The following RNF144A variants were observed in gnomAD, a reference collection of about 807,000 sequenced individuals.
RNF144A encodes E3 ubiquitin-protein ligase RNF144A.
A neutral mutation model predicts 38.7 loss-of-function variants in RNF144A; 11 were observed. That is an observed-to-expected ratio of 0.28 (90% confidence interval 0.18 to 0.47). The LOEUF (loss-of-function observed/expected upper bound fraction) is 0.47, where lower values mean the gene tolerates loss of function less well. RNF144A is among the 20% of genes least tolerant of loss of function. The pLI is 0.99. For synonymous variants in RNF144A, 149 were observed against 143.9 expected (o/e 1.04, Z -0.25); for missense variants, 316 against 377.2 (o/e 0.84, Z 1.34).
At chr2:6,920,840 G>C (rs1009564511) in intron 1 of RNF144A, among the ~76,000 whole-genome samples, 4 of 152,194 alleles carry the variant, frequency 2.6e-5, no homozygotes, top group Admixed American at 2.0e-4. Context: ...ATACCTGCTG[G>C]GTAGTGGGGC....
At chr2:6,993,135 C>G (rs1669503568) in intron 2 of RNF144A, among the ~76,000 whole-genome samples, 1 of 152,044 alleles carries the variant, frequency 6.6e-6, no homozygotes, top group South Asian at 2.1e-4. Context: ...ACAATATAGA[C>G]CCCTTTTTTT....
intron 2 of RNF144A, among the ~76,000 whole-genome samples, chr2:6,993,672 T>TGGCTGTC (rs1216521427): frequency 6.6e-6 from 1 of 152,136 alleles, no homozygotes; most frequent in African/African-American, 2.4e-5. Context: ...GCATAGTGCA[T>TGGCTGTC]GGCTGTCGAT....
chr2:7,050,323 C>G (rs116623287), intron 6 of RNF144A, among the ~76,000 whole-genome samples: 2,303 of 152,350 alleles, frequency 0.015, 60 homozygotes, highest in African/African-American at 0.053. Flanking sequence ...CGCAAGCTCT[C>G]TTGCCTGCCG....
chr2:7,061,132 T>C (rs1328098523), intron 6 of RNF144A, among the ~76,000 whole-genome samples: 2 of 152,194 alleles, frequency 1.3e-5, no homozygotes, highest in Non-Finnish European at 2.9e-5. Context: ...TGTCCATGGA[T>C]ATAAAAAAGC....
intron 6 of RNF144A, among the ~76,000 whole-genome samples, chr2:7,067,644 A>G (rs1204785497): frequency 1.3e-5 from 2 of 152,208 alleles, no homozygotes; most frequent in Non-Finnish European, 2.9e-5. Context: ...AAAGGTGACC[A>G]CATGAGAAAA....
At chr2:6,973,141 G>C (rs1035007343) in intron 2 of RNF144A, among the ~76,000 whole-genome samples, 2 of 152,226 alleles carry the variant, frequency 1.3e-5, no homozygotes, top group African/African-American at 4.8e-5. Flanking sequence ...GGTTCAGATG[G>C]TGCCTTAGTA....
At chr2:7,012,454 C>T (rs389411) in intron 3 of RNF144A, among the ~76,000 whole-genome samples, 39,894 of 152,056 alleles carry the variant, frequency 0.26, 6,599 homozygotes, top group Admixed American at 0.36. Flanking sequence ...AGCTGTTGCT[C>T]AAACTCTGAC....
intron 2 of RNF144A, among the ~76,000 whole-genome samples, chr2:6,957,026 C>T (rs988807936): frequency 2.0e-5 from 3 of 152,190 alleles, no homozygotes; most frequent in African/African-American, 7.2e-5. Flanking sequence ...CTGGCTGCAG[C>T]CTCATTTACT....
At chr2:6,952,164 C>A (rs908141423) in intron 2 of RNF144A, among the ~76,000 whole-genome samples, 1 of 152,046 alleles carries the variant, frequency 6.6e-6, no homozygotes, top group African/African-American at 2.4e-5. Flanking sequence ...TTAAGAGGAC[C>A]ATATGGTTCT....
At chr2:7,061,020 A>G (rs1317215989) in intron 6 of RNF144A, among the ~76,000 whole-genome samples, 1 of 152,170 alleles carries the variant, frequency 6.6e-6, no homozygotes, top group East Asian at 1.9e-4. Context: ...GATGGAACCT[A>G]TGGAATCAAA....
rs1672954216 is a variant in RNF144A, at chr2:7,040,046, T to C, written c.*286T>C. On this transcript the variant is annotated 3_prime_UTR_variant, in exon 9 of 9. Transcript: ENST00000320892. Reference sequence around the variant, plus strand: ...GAGAAGTGCACCAGGCAGCTTTCTCTCTGTGGTAGACTAGGCATGTCTGGG... The same window carrying C: ...GAGAAGTGCACCAGGCAGCTTTCTCCCTGTGGTAGACTAGGCATGTCTGGG... 1 of 1,143,650 alleles carries C rather than the reference T, an allele frequency of 8.7e-7. No individual in the cohort carries two copies. Among genetic ancestry groups the C allele is most frequent in the Admixed American group, 4.6e-5 (1 of 21,872 alleles). 70.8% of individuals were successfully genotyped at this position (1,143,650 alleles called of 1,614,324 possible). A position where few individuals can be genotyped will look rare whatever the true frequency, so the allele number is the denominator to read the frequency against.
At chr2:7,053,241 C>G (rs1438235769) in intron 6 of RNF144A, among the ~76,000 whole-genome samples, 1 of 152,218 alleles carries the variant, frequency 6.6e-6, no homozygotes, top group Non-Finnish European at 1.5e-5. Context: ...AATGTAGACT[C>G]TCAGCCCCAC....
At chr2:7,074,573 T>C in the RNF144A span, 1 of 152,236 alleles carries the variant, frequency 6.6e-6, no homozygotes, top group Admixed American at 6.5e-5. Flanking sequence ...AAAAGATCTA[T>C]GCACTTAGTA....
intron 3 of RNF144A, among the ~76,000 whole-genome samples, chr2:6,999,191 A>T (rs1367371612): frequency 2.6e-5 from 4 of 152,126 alleles, no homozygotes; most frequent in African/African-American, 9.7e-5. Context: ...CACTGTGGTG[A>T]TTTTTTTTCA....
intron 5 of RNF144A, among the ~76,000 whole-genome samples, chr2:7,017,826 G>A (rs1269240257): frequency 5.9e-5 from 9 of 152,288 alleles, no homozygotes; most frequent in Non-Finnish European, 7.4e-5. Context: ...GACATGCCCC[G>A]GCAGCACAGG....
intron 7 of RNF144A, among the ~76,000 whole-genome samples, chr2:7,025,534 T>C (rs997860331): frequency 6.6e-6 from 1 of 152,092 alleles, no homozygotes; most frequent in African/African-American, 2.4e-5. Flanking sequence ...TATCCAGTCA[T>C]GGTGGCATGC....
At chr2:6,992,909 A>G (rs112564206) in intron 2 of RNF144A, among the ~76,000 whole-genome samples, 17 of 152,250 alleles carry the variant, frequency 1.1e-4, no homozygotes, top group Non-Finnish European at 2.4e-4. Context: ...TGAATTGCTT[A>G]AATTGAATAA....
intron 2 of RNF144A, among the ~76,000 whole-genome samples, chr2:6,985,268 CTCTTTTTTT>C (rs1668879513): frequency 2.3e-5 from 3 of 128,614 alleles, no homozygotes; most frequent in Admixed American, 8.5e-5. Flanking sequence ...TCCCTCCCCC[CTCTTTTTTT>C]TTTTTTTTTT....
At chr2:6,945,110 C>T (rs915217219) in intron 2 of RNF144A, among the ~76,000 whole-genome samples, 2 of 152,272 alleles carry the variant, frequency 1.3e-5, no homozygotes, top group South Asian at 2.1e-4. Context: ...GGACCGGCCA[C>T]GTTTGGGAAA....
Sources: gnomAD v4.1 joint callset for allele counts (sites outside exome capture counted in the v4.1 genomes callset) on GRCh38, gnomAD v4.1.1 for gene constraint, MANE v1.5 for transcripts, NCBI Gene and HGNC (gene_info 2026-07-23, HGNC 2026-07-21) for gene names.